Variants in ATXN2 observed in about 807,000 individuals in gnomAD.
The protein encoded by ATXN2 is ataxin 2, also known as ataxin-2.
ATXN2 carries 37 observed loss-of-function variants against 138.6 expected under a neutral mutation model. The observed-to-expected ratio is 0.27, with a 90% CI of 0.21 to 0.35. The LOEUF is 0.35. Among genes scored for constraint, ATXN2 ranks in the 10% least tolerant of loss-of-function variants. The pLI is 1.00. For synonymous variants in ATXN2, 549 were observed against 543.7 expected (o/e 1.01, Z -0.13); for missense variants, 1,216 against 1,480.3 (o/e 0.82, Z 2.93).
At position 111,509,608 on chromosome 12, in the gene ATXN2, C is replaced by G. The variant is rs758171035; in HGVS notation, c.1876G>C (p.Val626Leu). 1.3e-6 allele frequency: 2 copies of G among 1,491,338 alleles called. No individual in the cohort carries two copies. The highest frequency in any genetic ancestry group is 2.2e-4 in the Middle Eastern group (1 of 4,568). 92.4% of individuals were successfully genotyped at this position (1,491,338 alleles called of 1,614,324 possible). A position where few individuals can be genotyped will look rare whatever the true frequency, so the allele number is the denominator to read the frequency against. The change falls in exon 14 of 25, where the codon GTT (valine) becomes CTT (leucine). Residue 626 changes from valine (V) to leucine (L), a missense_variant. Around this residue, in one of 4 missense-constraint regions of ATXN2, gnomAD observed 215 missense variants for 210.0 expected, o/e 1.02. Transcript: ENST00000673436. ...SKAENKGISP[V>L]VSEHRKQIDD... ...ATCTGTTTTCTATGTTCAGAAACAA[C>G]TGGTGATATACCTGTAAAATTAAGA...
At chr12:111,584,419 A>C in intron 1 of ATXN2, among the ~76,000 whole-genome samples, 1 of 143,128 alleles carries the variant, frequency 7.0e-6, no homozygotes, top group African/African-American at 2.5e-5. Context: ...AAATTCATTG[A>C]ACTGTTGCTG....
In ATXN2 at chr12:111,572,511, A is replaced by C. The variant is rs185628659; in HGVS notation, c.252-16592T>G. The stretch of plus-strand genomic sequence containing the variant: ...CTCCCTCAGGCTTGGGAATAGGGTG[A>C]TTTTTAAGCAGAGGGGTAACCCAAC... On this transcript the variant is annotated intron_variant, in intron 1 of 24. Coordinates refer to ENST00000673436, the MANE Select transcript of ATXN2 (RefSeq NM_001372574.1). 4.0e-3 allele frequency among the ~76,000 whole-genome samples: 602 copies of C among 152,266 alleles called. 2 individuals carry two copies. The highest frequency in any genetic ancestry group is 0.014 in the African/African-American group (576 of 41,568).
At chr12:111,469,953 G>T in intron 20 of ATXN2, 155 bp downstream of exon 20, 2 of 870,784 alleles carry the variant, frequency 2.3e-6, no homozygotes, top group Middle Eastern at 3.2e-4. Flanking sequence ...AAGTTATAAA[G>T]CAAGTCAGGC....
At chr12:111,458,742 A>G (rs750960186) in intron 21 of ATXN2, among the ~76,000 whole-genome samples, 6 of 152,236 alleles carry the variant, frequency 3.9e-5, no homozygotes, top group Non-Finnish European at 7.3e-5. Context: ...AGAAGCAAGC[A>G]CAGCTTTGGG....
At chr12:111,547,836 A>ATTTTTTT (rs34988312) in intron 5 of ATXN2, among the ~76,000 whole-genome samples, 89 of 100,168 alleles carry the variant, frequency 8.9e-4, no homozygotes, top group African/African-American at 2.3e-3. Flanking sequence ...TTGCTTGAGA[A>ATTTTTTT]TTTTTTTTTT....
intron 14 of ATXN2, among the ~76,000 whole-genome samples, chr12:111,493,418 CAAAAAAA>C (rs59185968): frequency 2.2e-5 from 1 of 45,646 alleles, no homozygotes; most frequent in Admixed American, 2.6e-4. Context: ...GACTCTGTCT[CAAAAAAA>C]AAAAAAAAAA....
Position 111,552,137 on chromosome 12 carries a change from T to A in ATXN2, c.571+143A>T, listed in dbSNP as rs1350787315. ...CTCAGGTGATCCACCCGCCTCAGCC[T>A]CCCTAAGTGCTAAGATTACAGGAAT... is the stretch of plus-strand genomic sequence containing the variant. On this transcript the variant is annotated intron_variant, in intron 5 of 24. Transcript: ENST00000673436. This position sits in a 1 kb window ranked among gnomAD's most constrained non-coding sequence, Gnocchi z 4.1. 4 of 845,856 alleles carry A rather than the reference T, an allele frequency of 4.7e-6. No individual in the cohort carries two copies. In the East Asian group the frequency reaches 1.3e-4, roughly 27 times the overall value. 52.4% of individuals were successfully genotyped at this position (845,856 alleles called of 1,614,324 possible). A position where few individuals can be genotyped will look rare whatever the true frequency, so the allele number is the denominator to read the frequency against.
intron 5 of ATXN2, among the ~76,000 whole-genome samples, chr12:111,531,125 A>T (rs1164443177): frequency 1.3e-5 from 2 of 150,402 alleles, no homozygotes; most frequent in African/African-American, 4.9e-5. Context: ...TTTAAAATTA[A>T]ATCAACAGGC....
At chr12:111,566,638 C>CT (rs908579279) in intron 1 of ATXN2, among the ~76,000 whole-genome samples, 2,407 of 136,148 alleles carry the variant, frequency 0.018, 62 homozygotes, top group African/African-American at 0.052. Flanking sequence ...AATTGCTTTT[C>CT]TTTTTTTTTT....
At chr12:111,452,868 CAG>C (rs919896468) in intron 24 of ATXN2, 28 bp from the exon 25 acceptor site, 1 of 1,604,862 alleles carries the variant, frequency 6.2e-7, no homozygotes, top group Non-Finnish European at 8.5e-7. Context: ...AACATTGAAA[CAG>C]AAAACTGGCA....
At chr12:111,472,724 C>G (rs1329504150) in intron 18 of ATXN2, among the ~76,000 whole-genome samples, 1 of 152,036 alleles carries the variant, frequency 6.6e-6, no homozygotes, top group South Asian at 2.1e-4. Flanking sequence ...GCACACCACA[C>G]CCAGCTAATA....
intron 5 of ATXN2, among the ~76,000 whole-genome samples, chr12:111,541,933 G>T (rs1291789368): frequency 6.8e-6 from 1 of 147,648 alleles, no homozygotes; most frequent in Non-Finnish European, 1.5e-5. Context: ...ATGTCCAGAT[G>T]ATTTTTGTAT....
At chr12:111,599,630 G>A (rs541401383), upstream of ATXN2, 14 of 1,081,666 alleles carry the variant, frequency 1.3e-5, no homozygotes, top group Admixed American at 6.3e-4. Flanking sequence ...GGGGCCGGGA[G>A]GGACACGTGA....
rs554807412 is a variant in ATXN2, at chr12:111,510,478, T to C, written c.1663A>G (p.Ile555Val). The change falls in exon 12 of 25, where the codon ATT (isoleucine) becomes GTT (valine). Residue 555 changes from isoleucine (I) to valine (V), a missense_variant. Ile to Val is a conservative substitution (Grantham distance 29, BLOSUM62 3). Coordinates refer to ENST00000673436, the MANE Select transcript of ATXN2 (RefSeq NM_001372574.1). Reference sequence around the variant, plus strand: ...GGCATGGCAACAGCTTCAGTTGGAATAATACCAGCTTGGGGAGAAGCAAGA... The same window carrying C: ...GGCATGGCAACAGCTTCAGTTGGAACAATACCAGCTTGGGGAGAAGCAAGA... Reference protein sequence around the residue: ...PVLASPQAGIIPTEAVAMPIP... With the variant: ...PVLASPQAGIVPTEAVAMPIP... 2.5e-6 allele frequency: 4 copies of C among 1,614,166 alleles called. No individual in the cohort carries two copies. Among genetic ancestry groups the C allele is most frequent in the African/African-American group, 2.7e-5 (2 of 75,050 alleles).
chr12:111,588,078 T>C (rs1447498726), intron 1 of ATXN2, among the ~76,000 whole-genome samples: 1 of 151,816 alleles, frequency 6.6e-6, no homozygotes, highest in Non-Finnish European at 1.5e-5. Flanking sequence ...TTCCAACTAC[T>C]TGGGAGGCTG....
At chr12:111,496,971 C>T (rs1035853357) in intron 14 of ATXN2, among the ~76,000 whole-genome samples, 2 of 151,350 alleles carry the variant, frequency 1.3e-5, no homozygotes, top group East Asian at 3.9e-4. Flanking sequence ...AACCTTTAGC[C>T]AGACTCAGAA....
In ATXN2 at chr12:111,485,267, T is replaced by C; in HGVS notation, c.2522A>G (p.Lys841Arg). 6.2e-7 allele frequency: 1 copy of C among 1,611,554 alleles called. No individual in the cohort carries two copies. The highest frequency in any genetic ancestry group is 1.7e-5 in the Admixed American group (1 of 59,996). Reference sequence around the variant, plus strand: ...AACACAGGCAGGATTATTCTCACCTTTACCTGCTCTATATGTCTTGGCTTG... The same window carrying C: ...AACACAGGCAGGATTATTCTCACCTCTACCTGCTCTATATGTCTTGGCTTG... Reference protein sequence around the residue: ...VNQAKTYRAGKVPNMPQQRQD... With the variant: ...VNQAKTYRAGRVPNMPQQRQD... Residue 841 changes from lysine (K) to arginine (R), a missense_variant and splice_region_variant, in exon 18 of 25, where the codon AAA (lysine) becomes AGA (arginine). Lys to Arg is a conservative substitution (Grantham distance 26). Around this residue, in one of 4 missense-constraint regions of ATXN2, gnomAD observed 490 missense variants for 653.5 expected, o/e 0.75. Coordinates refer to ENST00000673436, the MANE Select transcript of ATXN2 (RefSeq NM_001372574.1).
chr12:111,553,604 A>AAAAAAATTTTTTTTTT (rs1882237738), intron 3 of ATXN2, among the ~76,000 whole-genome samples: 1 of 85,004 alleles, frequency 1.2e-5, no homozygotes, highest in Non-Finnish European at 1.9e-5. Context: ...AAAAAAAAAA[A>AAAAAAATTTTTTTTTT]TTTTTTTTTT....
At chr12:111,499,874 T>C (rs1426337938) in intron 14 of ATXN2, among the ~76,000 whole-genome samples, 1 of 152,186 alleles carries the variant, frequency 6.6e-6, no homozygotes, top group East Asian at 1.9e-4. Flanking sequence ...TCAATACTAC[T>C]GATCACCAGA....
Sources: allele counts gnomAD v4.1 joint callset (sites outside exome capture counted in the v4.1 genomes callset), GRCh38; gene constraint gnomAD v4.1.1; regional missense constraint gnomAD v4.1.1; non-coding constraint Gnocchi (gnomAD v3.1); transcripts MANE v1.5; gene names NCBI Gene and HGNC (gene_info 2026-07-23, HGNC 2026-07-21).